The following ULK2 variants were observed in gnomAD, a reference collection of about 807,000 sequenced individuals.
ULK2 encodes the protein serine/threonine-protein kinase ULK2.
Under a neutral mutation model 127.5 loss-of-function variants are expected in ULK2, and 76 were observed. The ratio of observed to expected loss-of-function variants is 0.60; its 90% confidence interval spans 0.50 to 0.72. ULK2 has a LOEUF of 0.72. Among genes scored for constraint, ULK2 ranks in the 30% least tolerant of loss-of-function variants. The probability of loss-of-function intolerance (pLI) is 0.00; values close to 1 mark genes in which losing one functional copy is unlikely to be tolerated. For missense variants in ULK2, 1,144 were observed against 1,295.9 expected, an observed-to-expected ratio of 0.88 and a Z score of 1.80; for synonymous variants, 452 against 461.9, an observed-to-expected ratio of 0.98 and a Z score of 0.28.
chr17:19,838,433 T>C (rs763194707), intron 10 of ULK2, 68 bp downstream of exon 10: 108 of 1,369,052 alleles, frequency 7.9e-5, no homozygotes, highest in Non-Finnish European at 9.9e-5. Context: ...AAATCTCTAG[T>C]TTTTAAATCT....
chr17:19,792,709 G>A (rs138104434), intron 20 of ULK2, among the ~76,000 whole-genome samples: 4,670 of 151,866 alleles, frequency 0.031, 224 homozygotes, highest in African/African-American at 0.11. Flanking sequence ...GCGACAGAGC[G>A]AGACTCCGTC....
At chr17:19,784,824 T>C (rs2086994664) in intron 21 of ULK2, among the ~76,000 whole-genome samples, 1 of 151,900 alleles carries the variant, frequency 6.6e-6, no homozygotes, top group Admixed American at 6.6e-5. Context: ...CCATGCCCAG[T>C]CTTGGGCATT....
intron 17 of ULK2, 123 bp from the exon 18 acceptor site, chr17:19,797,805 TC>T: frequency 1.0e-6 from 1 of 977,850 alleles, no homozygotes; most frequent in African/African-American, 1.7e-5. Context: ...CATAAGACAT[TC>T]TAAAAGTGAT....
intron 22 of ULK2, 118 bp downstream of exon 22, chr17:19,783,579 A>C: frequency 9.6e-7 from 1 of 1,042,302 alleles, no homozygotes; most frequent in Non-Finnish European, 1.3e-6. Flanking sequence ...CAAACAGAAA[A>C]GGCACGTTAA....
intron 14 of ULK2, among the ~76,000 whole-genome samples, chr17:19,807,802 G>C (rs1292357275): frequency 6.6e-6 from 1 of 152,054 alleles, no homozygotes; most frequent in African/African-American, 2.4e-5. Flanking sequence ...GTGCACTGAG[G>C]GCCCCCAAGG....
rs748736227 is a variant in ULK2, at chr17:19,801,871, C to T, written c.1347G>A (p.Pro449=). 1.1e-5 allele frequency: 17 copies of T among 1,614,100 alleles called. No individual in the cohort carries two copies. Among genetic ancestry groups the T allele is most frequent in the Admixed American group, 6.7e-5 (4 of 59,986 alleles). Residue 449 remains proline, a synonymous_variant, in exon 16 of 27, where the codon CCG becomes CCA. Coordinates refer to ENST00000395544, the MANE Select transcript of ULK2 (RefSeq NM_014683.4). ...CTGCTGGTACTGGGGAGCATGATCC[C>T]GGCCGGAGGAAGCCCATGGGGCTGG... ...SNTSPMGFLR[P]GSCSPVPADT...
At chr17:19,817,383 A>G (rs1438876209) in intron 12 of ULK2, among the ~76,000 whole-genome samples, 2 of 152,210 alleles carry the variant, frequency 1.3e-5, no homozygotes, top group Non-Finnish European at 2.9e-5. Flanking sequence ...CAGGAAACCA[A>G]GAGACCACAT....
chr17:19,797,444 G>C lies in ULK2; in HGVS notation c.1761C>G (p.Asp587Glu). ...KHLGSSPRSSDWFFKTPLPTI... is the reference protein window; with the variant it reads ...KHLGSSPRSSEWFFKTPLPTI... ...TTGGCAAAGGAGTTTTAAAGAACCA[G>C]TCAGAACTCCGTGGAGAGGACCCCA... The change falls in exon 18 of 27, where the codon GAC becomes GAG. Residue 587 changes from aspartate (D) to glutamate (E), a missense_variant. By Grantham distance (45) the Asp-to-Glu change is conservative. Coordinates refer to ENST00000395544, the MANE Select transcript of ULK2 (RefSeq NM_014683.4). The C allele has an allele frequency of 6.2e-7, 1 of 1,614,014 alleles. No homozygotes were observed. The highest frequency in any genetic ancestry group is 8.5e-7 in the Non-Finnish European group (1 of 1,179,972).
At chr17:19,867,026 C>T (rs886623210) in intron 1 of ULK2, among the ~76,000 whole-genome samples, 18 of 152,168 alleles carry the variant, frequency 1.2e-4, no homozygotes, top group Non-Finnish European at 2.4e-4. Flanking sequence ...GGTGCAGTAC[C>T]GTCTATTTTG....
At chr17:19,799,994 A>C (rs1435575992) in intron 16 of ULK2, among the ~76,000 whole-genome samples, 1 of 152,212 alleles carries the variant, frequency 6.6e-6, no homozygotes, top group African/African-American at 2.4e-5. Context: ...CAATGACTGC[A>C]TATGGTGGGA....
intron 9 of ULK2, 103 bp downstream of exon 9, chr17:19,841,386 A>G: frequency 8.6e-7 from 1 of 1,167,736 alleles, no homozygotes; most frequent in Admixed American, 2.8e-5. Context: ...CACATTATCA[A>G]CTGAAAAAGA....
intron 4 of ULK2, 91 bp from the exon 5 acceptor site, chr17:19,849,496 A>T: frequency 7.8e-7 from 1 of 1,280,534 alleles, no homozygotes; most frequent in Admixed American, 2.1e-5. Context: ...AATCATTTGT[A>T]TATAATGTCA....
In ULK2 at chr17:19,776,134, G is replaced by T. The variant is rs2086807704; in HGVS notation, c.*215C>A. 2 of 503,486 alleles carry T rather than the reference G, an allele frequency of 4.0e-6. No individual in the cohort carries two copies. The highest frequency in any genetic ancestry group is 4.0e-5 in the African/African-American group (2 of 49,632). The allele number at this position is 503,486 out of a possible 1,614,324, so 31.2% of individuals were successfully genotyped here. A position where few individuals can be genotyped will look rare whatever the true frequency, so the allele number is the denominator to read the frequency against. On this transcript the variant is annotated 3_prime_UTR_variant, in exon 27 of 27. Coordinates refer to ENST00000395544, the MANE Select transcript of ULK2 (RefSeq NM_014683.4). ...ACACTCTTGCTCCTGCTTCTACAAAGAAAAAGGGAAAGGGTGATTTTCTCC... is the reference window on the plus strand; with the variant it reads ...ACACTCTTGCTCCTGCTTCTACAAATAAAAAGGGAAAGGGTGATTTTCTCC...
chr17:19,804,754 G>T lies in ULK2; in HGVS notation c.1234C>A (p.Arg412Ser). ...GTAGATGTAAGATTCTGCTCTATGC[G>T]CTGATAATTCCTTATTTGAGTAGGA... ...PVPTQIRNYQ[R>S]IEQNLTSTAS... Residue 412 changes from arginine to serine, a missense_variant, in exon 15 of 27, where the codon CGC (arginine) becomes AGC (serine). By Grantham distance (110) the Arg-to-Ser change is moderately radical (BLOSUM62 -1). This residue lies in a region of ULK2 where 913 missense variants were observed against 970.5 expected (regional missense o/e 0.94). Coordinates refer to ENST00000395544, the MANE Select transcript of ULK2 (RefSeq NM_014683.4). 1 of 1,612,712 alleles carries T rather than the reference G, an allele frequency of 6.2e-7. No individual in the cohort carries two copies. Among genetic ancestry groups the T allele is most frequent in the Non-Finnish European group, 8.5e-7 (1 of 1,179,276 alleles).
intron 14 of ULK2, among the ~76,000 whole-genome samples, chr17:19,809,732 C>CAAAA (rs369486144): frequency 1.1e-3 from 99 of 90,186 alleles, no homozygotes; most frequent in African/African-American, 1.8e-3. Flanking sequence ...GACTCCGTCT[C>CAAAA]AAAAAAAAAA....
chr17:19,866,251 T>C (rs761468149), intron 1 of ULK2, among the ~76,000 whole-genome samples: 1 of 151,968 alleles, frequency 6.6e-6, no homozygotes, highest in Non-Finnish European at 1.5e-5. Context: ...TCCCAGCACT[T>C]TGGGAGGCTG....
At chr17:19,823,529 C>A (rs2041211734) in intron 12 of ULK2, among the ~76,000 whole-genome samples, 1 of 152,212 alleles carries the variant, frequency 6.6e-6, no homozygotes, top group Non-Finnish European at 1.5e-5. Context: ...TCCTCTAGCA[C>A]AAGCTTTGCT....
chr17:19,841,266 G>A (rs548124702), intron 9 of ULK2, among the ~76,000 whole-genome samples: 27 of 152,146 alleles, frequency 1.8e-4, no homozygotes, highest in African/African-American at 5.5e-4. Flanking sequence ...TGTAACTTCC[G>A]TATCTTTTTC....
chr17:19,865,445 T>C (rs562759054), intron 2 of ULK2, among the ~76,000 whole-genome samples: 2 of 152,170 alleles, frequency 1.3e-5, no homozygotes, highest in Admixed American at 6.6e-5. Flanking sequence ...GTAAAAACAA[T>C]GTACAAGATG....
Sources: allele counts gnomAD v4.1 joint callset (sites outside exome capture counted in the v4.1 genomes callset), GRCh38; gene constraint gnomAD v4.1.1; regional missense constraint gnomAD v4.1.1; transcripts MANE v1.5; gene names NCBI Gene and HGNC (gene_info 2026-07-23, HGNC 2026-07-21).